Variants in SLC66A3 observed in about 807,000 individuals in gnomAD.
SLC66A3 encodes PQ loop repeat containing 3.
Under a neutral mutation model 25.5 loss-of-function variants are expected in SLC66A3, and 23 were observed. The observed-to-expected ratio is 0.90, with a 90% CI of 0.65 to 1.28. The LOEUF is 1.28. Among genes scored for constraint, SLC66A3 ranks in the 50% most tolerant of loss-of-function variants. SLC66A3 has a pLI of 0.00. For synonymous variants in SLC66A3, 108 were observed against 112.6 expected (o/e 0.96, Z 0.26); for missense variants, 246 against 262.1 (o/e 0.94, Z 0.42).
intron 3 of SLC66A3, 135 bp downstream of exon 3, chr2:11,160,829 T>C: frequency 7.6e-7 from 1 of 1,308,690 alleles, no homozygotes. Context: ...AAATCCCAAA[T>C]GCAAACGTGT....
chr2:11,164,559 T>G (rs1332788135), intron 4 of SLC66A3, among the ~76,000 whole-genome samples: 2 of 151,134 alleles, frequency 1.3e-5, no homozygotes, highest in South Asian at 2.1e-4. Context: ...TTAGTATTTA[T>G]TGTTATTCTT....
chr2:11,165,021 A>C (rs1448608002), intron 4 of SLC66A3, among the ~76,000 whole-genome samples: 2 of 152,154 alleles, frequency 1.3e-5, no homozygotes, highest in Non-Finnish European at 2.9e-5. Context: ...CATTGTCATC[A>C]TGGCCCGTTC....
At chr2:11,164,647 C>A (rs1572182896) in intron 4 of SLC66A3, among the ~76,000 whole-genome samples, 1 of 150,686 alleles carries the variant, frequency 6.6e-6, no homozygotes, top group Non-Finnish European at 1.5e-5. Flanking sequence ...AACAAGTGAA[C>A]AAAGGTCTCT....
intron 1 of SLC66A3, among the ~76,000 whole-genome samples, chr2:11,158,610 C>G (rs1438433111): frequency 6.6e-6 from 1 of 151,928 alleles, no homozygotes; most frequent in Non-Finnish European, 1.5e-5. Flanking sequence ...TGCAGTGAGC[C>G]GAGATCGTGC....
intron 6 of SLC66A3, 21 bp from the exon 7 acceptor site, chr2:11,177,716 A>G (rs1309151555): frequency 6.6e-7 from 1 of 1,521,664 alleles, no homozygotes; most frequent in East Asian, 2.3e-5. Context: ...AGTTTTTAAT[A>G]CACTTTTTTT....
In SLC66A3 at chr2:11,176,134, TC is replaced by T. The variant is rs755336992; in HGVS notation, c.517+1126del. Among the ~76,000 whole-genome samples, 515 of 152,290 alleles carry T rather than the reference TC, an allele frequency of 3.4e-3. 8 individuals are homozygous for T. The highest frequency in any genetic ancestry group is 0.012 in the African/African-American group (487 of 41,566). On this transcript the variant is annotated intron_variant, in intron 6 of 6. Transcript: ENST00000295083. ...AACCTATACATTAGAAATTAAAAGA[TC>T]AAGATTGTTCTAATTGTGATTTATT... is the stretch of plus-strand genomic sequence containing the variant.
chr2:11,174,612 G>A (rs1662670815), intron 5 of SLC66A3, among the ~76,000 whole-genome samples: 1 of 151,496 alleles, frequency 6.6e-6, no homozygotes, highest in African/African-American at 2.4e-5. Context: ...TTATCTTGCC[G>A]CAGCCTCCTG....
At chr2:11,172,431 T>A (rs958780194) in intron 5 of SLC66A3, among the ~76,000 whole-genome samples, 7 of 152,220 alleles carry the variant, frequency 4.6e-5, no homozygotes, top group Non-Finnish European at 8.8e-5. Context: ...TGAGAATGAA[T>A]GAAATGTGTA....
rs1284219274 is a variant in SLC66A3, at chr2:11,178,049, A to C, written c.*221A>C. 8.8e-6 allele frequency: 4 copies of C among 455,082 alleles called. No individual in the cohort carries two copies. Among genetic ancestry groups the C allele is most frequent in the Non-Finnish European group, 1.6e-5 (4 of 257,508 alleles). 28.2% of individuals were successfully genotyped at this position (455,082 alleles called of 1,614,324 possible). ...ACTTCGTTAGGTTATGGTAGTGCTC[A>C]GACATCTGCAGTGTTGAGGCCAGTC... On this transcript the variant is annotated 3_prime_UTR_variant, in exon 7 of 7. Transcript: ENST00000295083.
intron 4 of SLC66A3, among the ~76,000 whole-genome samples, chr2:11,170,547 G>A (rs1662513641): frequency 6.6e-6 from 1 of 151,568 alleles, no homozygotes; most frequent in African/African-American, 2.4e-5. Context: ...TGTCAGTTCA[G>A]AACAGCATAG....
intron 6 of SLC66A3, 83 bp downstream of exon 6, chr2:11,175,092 T>C: frequency 1.0e-6 from 1 of 991,766 alleles, no homozygotes; most frequent in African/African-American, 1.6e-5. Flanking sequence ...TAGGGTTTAA[T>C]GGATGGACTT....
Position 11,177,960 on chromosome 2 carries a change from A to G in SLC66A3, c.*132A>G. On this transcript the variant is annotated 3_prime_UTR_variant, in exon 7 of 7. Transcript: ENST00000295083. ...AATCTTTAAAGCCAAAGGTTTTTTT[A>G]GACTTGAAAGAAAGAGCCACTTAAA... is the stretch of plus-strand genomic sequence containing the variant. 1 of 620,012 alleles carries G rather than the reference A, an allele frequency of 1.6e-6. No homozygotes were observed. The highest frequency in any genetic ancestry group is 2.8e-6 in the Non-Finnish European group (1 of 363,142). The allele number at this position is 620,012 out of a possible 1,614,324, so 38.4% of individuals were successfully genotyped here. A position where few individuals can be genotyped will look rare whatever the true frequency, so the allele number is the denominator to read the frequency against.
At chr2:11,164,088 C>T (rs1223994550) in intron 3 of SLC66A3, 116 bp from the exon 4 acceptor site, 3 of 616,976 alleles carry the variant, frequency 4.9e-6, no homozygotes, top group Non-Finnish European at 8.6e-6. Flanking sequence ...ATGTCCTCCC[C>T]TCCCACCCAC....
intron 1 of SLC66A3, among the ~76,000 whole-genome samples, chr2:11,158,042 C>T (rs1661969588): frequency 1.3e-5 from 2 of 152,186 alleles, no homozygotes; most frequent in Non-Finnish European, 2.9e-5. Context: ...ACCCCTTGCT[C>T]CAGGTCACTT....
intron 5 of SLC66A3, among the ~76,000 whole-genome samples, chr2:11,173,193 T>C (rs1170365528): frequency 6.6e-6 from 1 of 152,180 alleles, no homozygotes; most frequent in Admixed American, 6.6e-5. Context: ...CTCACTATGT[T>C]GCCAAGGCTG....
chr2:11,174,661 TA>T (rs2148003486), intron 5 of SLC66A3, among the ~76,000 whole-genome samples: 1 of 152,206 alleles, frequency 6.6e-6, no homozygotes, highest in African/African-American at 2.4e-5. Flanking sequence ...TACACCTGGC[TA>T]ATTTTTGTAT....
chr2:11,169,142 G>A (rs1409761945), intron 4 of SLC66A3, among the ~76,000 whole-genome samples: 1 of 152,194 alleles, frequency 6.6e-6, no homozygotes, highest in Non-Finnish European at 1.5e-5. Flanking sequence ...ACAGGCTTGA[G>A]CCACTGCACC....
At chr2:11,177,227 A>G (rs1553291763) in intron 6 of SLC66A3, among the ~76,000 whole-genome samples, 1 of 152,164 alleles carries the variant, frequency 6.6e-6, no homozygotes, top group Non-Finnish European at 1.5e-5. Flanking sequence ...TGGGAGGCCA[A>G]GGTGGGCAGA....
chr2:11,168,251 C>G (rs958397157), intron 4 of SLC66A3, among the ~76,000 whole-genome samples: 4 of 151,462 alleles, frequency 2.6e-5, no homozygotes, highest in African/African-American at 7.3e-5. Flanking sequence ...AGCCACTGCA[C>G]TCCAGCCTGG....
Sources: gnomAD v4.1 joint callset for allele counts (sites outside exome capture counted in the v4.1 genomes callset) on GRCh38, gnomAD v4.1.1 for gene constraint, MANE v1.5 for transcripts, NCBI Gene and HGNC (gene_info 2026-07-23, HGNC 2026-07-21) for gene names.